The following VPS8 variants were observed in gnomAD, a reference collection of about 807,000 sequenced individuals.
The protein encoded by VPS8 is vacuolar protein sorting-associated protein 8 homolog.
VPS8 carries 129 observed loss-of-function variants against 216.4 expected under a neutral mutation model. That is an observed-to-expected ratio of 0.60 (90% CI 0.52 to 0.69). The LOEUF (loss-of-function observed/expected upper bound fraction) is 0.69. Among genes scored for constraint, VPS8 ranks in the 30% least tolerant of loss-of-function variants. VPS8 has a pLI of 0.00. For missense variants in VPS8, 1,531 were observed against 1,683.5 expected (o/e 0.91, Z 1.59); for synonymous variants, 571 against 565.4 (o/e 1.01, Z -0.14).
At chr3:184,915,249 T>C (rs969285175) in intron 27 of VPS8, 106 bp from the exon 28 acceptor site, 5 of 1,436,376 alleles carry the variant, frequency 3.5e-6, no homozygotes, top group Non-Finnish European at 4.7e-6. Context: ...AGTAGCAATT[T>C]AAACTGAATT....
At chr3:184,921,980 T>A (rs1360866196) in intron 29 of VPS8, among the ~76,000 whole-genome samples, 2 of 152,200 alleles carry the variant, frequency 1.3e-5, no homozygotes, top group African/African-American at 2.4e-5. Flanking sequence ...TATATTCTGG[T>A]CCTGACTAGG....
At chr3:184,966,143 G>T (rs1359095746) in intron 38 of VPS8, among the ~76,000 whole-genome samples, 1 of 152,152 alleles carries the variant, frequency 6.6e-6, no homozygotes, top group Non-Finnish European at 1.5e-5. Context: ...AAGGAGAGCT[G>T]ACGTGTCACA....
At chr3:184,919,386 G>A (rs549630057) in intron 28 of VPS8, among the ~76,000 whole-genome samples, 1 of 152,266 alleles carries the variant, frequency 6.6e-6, no homozygotes, top group South Asian at 2.1e-4. Flanking sequence ...TTATTGTTCA[G>A]TAAAAATTTT....
In VPS8 at chr3:184,885,024, C is replaced by T. The variant is rs528725710; in HGVS notation, c.1735-1086C>T. Among the ~76,000 whole-genome samples, 21 of 152,288 alleles carry T rather than the reference C, an allele frequency of 1.4e-4. No individual in the cohort carries two copies. In the South Asian group the frequency reaches 1.9e-3, roughly 14 times the overall value. ...ACACTTTTCAAATCTATCATTTTACCTCCTGTTTTTGAAGAATCAAATCTA... is the reference window on the plus strand; with the variant it reads ...ACACTTTTCAAATCTATCATTTTACTTCCTGTTTTTGAAGAATCAAATCTA... On this transcript the variant is annotated intron_variant, in intron 21 of 47. Transcript: ENST00000625842.
At chr3:184,874,683 G>A (rs1366700345) in intron 21 of VPS8, among the ~76,000 whole-genome samples, 2 of 152,088 alleles carry the variant, frequency 1.3e-5, no homozygotes, top group Non-Finnish European at 2.9e-5. Context: ...GGAAAGTACT[G>A]GTACTACTGG....
At position 184,972,660 on chromosome 3, in the gene VPS8, A is replaced by G. The variant is rs529178197; in HGVS notation, c.3420+908A>G. On this transcript the variant is annotated intron_variant, in intron 40 of 47. Transcript: ENST00000625842. ...TGCAGCCAAGGTTGGAACCACTGCT[A>G]TCACAGATCCCAGATGGCACAAAAG... is the stretch of plus-strand genomic sequence containing the variant. 1.3e-4 allele frequency among the ~76,000 whole-genome samples: 20 copies of G among 152,368 alleles called. No individual in the cohort carries two copies. The South Asian group carries it at 1.4e-3, about 11-fold the overall frequency.
intron 28 of VPS8, among the ~76,000 whole-genome samples, chr3:184,916,358 G>A (rs62286957): frequency 4.6e-5 from 7 of 152,076 alleles, no homozygotes; most frequent in African/African-American, 1.4e-4. Context: ...AGTGTTTAGC[G>A]AAAGCAGCAG....
chr3:184,836,414 T>C (rs535228400), intron 5 of VPS8: 70 of 424,648 alleles, frequency 1.6e-4, no homozygotes, highest in African/African-American at 1.4e-3. Context: ...AAAAATATTT[T>C]GAGTAATGGA....
intron 36 of VPS8, among the ~76,000 whole-genome samples, chr3:184,945,046 ACC>A (rs972687466): frequency 3.3e-5 from 5 of 151,974 alleles, no homozygotes; most frequent in African/African-American, 4.8e-5. Flanking sequence ...GGCCTGGCTT[ACC>A]CCTAGATCTT....
At chr3:184,844,511 A>G (rs897286267) in intron 8 of VPS8, among the ~76,000 whole-genome samples, 2 of 152,220 alleles carry the variant, frequency 1.3e-5, no homozygotes, top group Non-Finnish European at 2.9e-5. Context: ...TTCCACACAC[A>G]CAATTAAACT....
Position 185,052,038 on chromosome 3 carries a change from G to T in VPS8, c.*13G>T, listed in dbSNP as rs373632644. On this transcript the variant is annotated 3_prime_UTR_variant, in exon 48 of 48. Coordinates refer to ENST00000625842, the MANE Select transcript of VPS8 (RefSeq NM_001009921.3). ...GACTGAGGATTGATGACTCCATGGA[G>T]CCTGGCCCAGGAGAACCAGAGATGA... 1.2e-6 allele frequency: 2 copies of T among 1,606,926 alleles called. No homozygotes were observed. Among genetic ancestry groups the T allele is most frequent in the East Asian group, 2.2e-5 (1 of 44,670 alleles).
intron 42 of VPS8, among the ~76,000 whole-genome samples, chr3:184,985,299 G>C (rs927019901): frequency 2.0e-5 from 3 of 152,204 alleles, no homozygotes; most frequent in African/African-American, 7.2e-5. Context: ...CACCCCCTAA[G>C]TCTCTCACTT....
At chr3:184,866,577 A>G (rs1220637179) in intron 16 of VPS8, among the ~76,000 whole-genome samples, 1 of 152,244 alleles carries the variant, frequency 6.6e-6, no homozygotes, top group East Asian at 1.9e-4. Context: ...TAACAAAAGC[A>G]ATTGACTGTT....
At position 184,850,846 on chromosome 3, in the gene VPS8, CAA is replaced by C. The variant is rs149254220; in HGVS notation, c.753+829_753+830del. Among the ~76,000 whole-genome samples, 13 of 152,160 alleles carry C rather than the reference CAA, an allele frequency of 8.5e-5. 1 individual carries two copies. In the East Asian group the frequency reaches 2.5e-3, roughly 29 times the overall value. ...TGTATGTCTGTATCTAAGTTAGTTA[CAA>C]AAAAGTCTTCTGTGACAGAGCAGCG... On this transcript the variant is annotated intron_variant, in intron 10 of 47. Transcript: ENST00000625842.
chr3:184,839,940 G>C, intron 7 of VPS8, 188 bp downstream of exon 7: 1 of 1,329,294 alleles, frequency 7.5e-7, no homozygotes, highest in Non-Finnish European at 9.7e-7. Context: ...GCTGCTTATT[G>C]CAAGTTTATT....
intron 28 of VPS8, chr3:184,919,240 A>G (rs1738178440): frequency 6.6e-6 from 1 of 152,166 alleles, no homozygotes; most frequent in African/African-American, 2.4e-5. Context: ...TTTTTAGTCT[A>G]CTGGGACAAT....
At chr3:185,043,272 A>T (rs777805060) in intron 46 of VPS8, among the ~76,000 whole-genome samples, 35 of 152,190 alleles carry the variant, frequency 2.3e-4, no homozygotes, top group Non-Finnish European at 1.0e-4. Context: ...CAGTTTCCTC[A>T]CAGGTAAATT....
intron 22 of VPS8, among the ~76,000 whole-genome samples, chr3:184,889,978 A>G (rs369780889): frequency 6.6e-6 from 1 of 152,218 alleles, no homozygotes; most frequent in African/African-American, 2.4e-5. Context: ...TCTATGTTTA[A>G]TTAAATAGTT....
At chr3:184,886,072 G>C in intron 21 of VPS8, 38 bp from the exon 22 acceptor site, 1 of 1,594,588 alleles carries the variant, frequency 6.3e-7, no homozygotes, top group Non-Finnish European at 8.6e-7. Flanking sequence ...ACTGGACAGG[G>C]TTGTGGGGCT....
Sources: allele counts gnomAD v4.1 joint callset (sites outside exome capture counted in the v4.1 genomes callset), GRCh38; gene constraint gnomAD v4.1.1; transcripts MANE v1.5; gene names NCBI Gene and HGNC (gene_info 2026-07-23, HGNC 2026-07-21).